USP22: variants seen among roughly 807,000 people sequenced by gnomAD.
USP22 encodes ubiquitin carboxyl-terminal hydrolase 22.
A neutral mutation model predicts 68.1 loss-of-function variants in USP22; 22 were observed. The observed-to-expected ratio is 0.32, with a 90% CI of 0.23 to 0.46. The LOEUF is 0.46. USP22 is among the 20% of genes least tolerant of loss of function. The pLI is 1.00. For synonymous variants in USP22, 279 were observed against 274.2 expected (o/e 1.02, Z -0.17); for missense variants, 433 against 695.8 (o/e 0.62, Z 4.25).
intron 1 of USP22, among the ~76,000 whole-genome samples, chr17:21,041,961 G>GGCCCCA (rs1449370203): frequency 2.0e-5 from 3 of 151,606 alleles, no homozygotes; most frequent in Admixed American, 6.6e-5. Flanking sequence ...GGCTCGCCCC[G>GGCCCCA]GCCCCAGCCC....
Position 21,042,809 on chromosome 17 carries a change from G to C in USP22, c.27C>G (p.Gly9=). 6.9e-7 allele frequency: 1 copy of C among 1,454,426 alleles called. No homozygotes were observed. Among genetic ancestry groups the C allele is most frequent in the Non-Finnish European group, 9.1e-7 (1 of 1,101,486 alleles). 90.1% of individuals were successfully genotyped at this position (1,454,426 alleles called of 1,614,324 possible). A position where few individuals can be genotyped will look rare whatever the true frequency, so the allele number is the denominator to read the frequency against. Residue 9 remains glycine, a synonymous_variant, in exon 1 of 13, where the codon GGC becomes GGG. Transcript: ENST00000261497. MVSRPEPE[G]EAMDAELAVA... is the part of the protein sequence containing the mutation. ...CCGCCAGCTCGGCGTCCATGGCCTCGCCCTCGGGCTCTGGCCGGGACACCA... is the reference window on the plus strand; with the variant it reads ...CCGCCAGCTCGGCGTCCATGGCCTCCCCCTCGGGCTCTGGCCGGGACACCA...
chr17:21,030,155 A>G (rs1419046411), intron 1 of USP22, among the ~76,000 whole-genome samples: 1 of 152,240 alleles, frequency 6.6e-6, no homozygotes, highest in Non-Finnish European at 1.5e-5. Context: ...ACCTATGCAC[A>G]TCCTCCCATA....
At chr17:21,016,867 A>C (rs1972089368) in intron 5 of USP22, among the ~76,000 whole-genome samples, 1 of 152,184 alleles carries the variant, frequency 6.6e-6, no homozygotes. Flanking sequence ...CATTCGTCGA[A>C]ACTCATCTAT....
intron 2 of USP22, 98 bp downstream of exon 2, chr17:21,028,444 A>T: frequency 6.5e-7 from 1 of 1,547,556 alleles, no homozygotes; most frequent in East Asian, 2.3e-5. Flanking sequence ...GACAAACGAC[A>T]AAGTGGACTT....
At chr17:21,020,992 G>A (rs1972150056) in intron 3 of USP22, 121 bp downstream of exon 3, 7 of 731,952 alleles carry the variant, frequency 9.6e-6, no homozygotes, top group East Asian at 8.2e-5. Context: ...AGGTGGGGAC[G>A]GCCTCTTCCC....
chr17:21,009,422 A>AT (rs1913877821), intron 8 of USP22, among the ~76,000 whole-genome samples: 1 of 151,638 alleles, frequency 6.6e-6, no homozygotes, highest in South Asian at 2.1e-4. Context: ...TCTGCTCTCC[A>AT]AAGGACTCGA....
intron 2 of USP22, among the ~76,000 whole-genome samples, chr17:21,023,918 G>A (rs1972189366): frequency 6.6e-6 from 1 of 152,130 alleles, no homozygotes. Flanking sequence ...GTGCATCCCC[G>A]GATAAACAGG....
chr17:21,023,223 A>C (rs980411234), intron 2 of USP22, among the ~76,000 whole-genome samples: 1 of 152,190 alleles, frequency 6.6e-6, no homozygotes, highest in Non-Finnish European at 1.5e-5. Flanking sequence ...AACAAACAAA[A>C]AAAATTGTCA....
chr17:21,019,939 A>G (rs1972132951), intron 3 of USP22, among the ~76,000 whole-genome samples: 1 of 152,254 alleles, frequency 6.6e-6, no homozygotes, highest in South Asian at 2.1e-4. Flanking sequence ...TCTGAGAGGG[A>G]AAAGAACAGC....
At chr17:21,015,965 C>A in intron 5 of USP22, 66 bp from the exon 6 acceptor site, 2 of 1,531,670 alleles carry the variant, frequency 1.3e-6, no homozygotes, top group Non-Finnish European at 1.8e-6. Flanking sequence ...AGAGTACACA[C>A]AATCAAAACC....
intron 5 of USP22, among the ~76,000 whole-genome samples, chr17:21,016,941 T>C (rs1467698443): frequency 1.3e-5 from 2 of 152,130 alleles, no homozygotes; most frequent in Non-Finnish European, 2.9e-5. Flanking sequence ...CTAAAAACAA[T>C]CTAACACAAG....
At position 21,042,748 on chromosome 17, in the gene USP22, T is replaced by C. The variant is rs868630593; in HGVS notation, c.88A>G (p.Lys30Glu). 2 of 1,497,504 alleles carry C rather than the reference T, an allele frequency of 1.3e-6. No individual in the cohort carries two copies. Among genetic ancestry groups the C allele is most frequent in the Non-Finnish European group, 1.8e-6 (2 of 1,124,732 alleles). The allele number at this position is 1,497,504 out of a possible 1,614,324, so 92.8% of individuals were successfully genotyped here. ...AGGTTCTGCTTCCAGTTGTCCACCT[T>C]GAAGCTGCCCAGGTGCGAGCAGCCC... ...PPGCSHLGSF[K>E]VDNWKQNLRA... The change falls in exon 1 of 13, where the codon AAG (lysine) becomes GAG (glutamate). Residue 30 changes from lysine (K) to glutamate (E), a missense_variant. Transcript: ENST00000261497.
chr17:20,999,943 C>T lies in USP22; in HGVS notation c.*3088G>A, dbSNP rs1424880821. 3 of 152,358 alleles carry T rather than the reference C, an allele frequency of 2.0e-5. No homozygotes were observed. The highest frequency in any genetic ancestry group is 2.0e-4 in the Admixed American group (3 of 15,272). The allele number at this position is 152,358 out of a possible 1,614,324, so 9.4% of individuals were successfully genotyped here. ...GCAGTGCTCACCACGAAGCCCAGGT[C>T]CACGGAGGGAGCCAAGGTCCACAGA... On this transcript the variant is annotated 3_prime_UTR_variant, in exon 13 of 13. Transcript: ENST00000261497.
intron 2 of USP22, among the ~76,000 whole-genome samples, chr17:21,023,143 CAA>C (rs1305766108): frequency 3.3e-5 from 5 of 152,040 alleles, no homozygotes; most frequent in African/African-American, 1.2e-4. Flanking sequence ...CACATGGACA[CAA>C]GAGGAGAACA....
At chr17:21,032,646 A>G (rs533195240) in intron 1 of USP22, among the ~76,000 whole-genome samples, 1 of 152,298 alleles carries the variant, frequency 6.6e-6, no homozygotes, top group East Asian at 1.9e-4. Context: ...AGCACTGTAA[A>G]GTAGAAAACA....
intron 1 of USP22, among the ~76,000 whole-genome samples, chr17:21,039,333 T>C (rs968218218): frequency 4.0e-5 from 6 of 151,546 alleles, no homozygotes; most frequent in Non-Finnish European, 8.8e-5. Context: ...ATCCCAGCAC[T>C]TTGGGAGGCC....
intron 2 of USP22, 148 bp from the exon 3 acceptor site, chr17:21,021,374 G>A (rs1181134616): frequency 1.6e-6 from 1 of 630,114 alleles, no homozygotes; most frequent in African/African-American, 1.8e-5. Flanking sequence ...CAGTCCAGCG[G>A]AGTCTCCTAT....
Position 21,007,963 on chromosome 17 carries a change from G to A in USP22, c.1137C>T (p.Ala379=). 2 of 1,614,146 alleles carry A rather than the reference G, an allele frequency of 1.2e-6. No individual in the cohort carries two copies. Among genetic ancestry groups the A allele is most frequent in the Non-Finnish European group, 1.7e-6 (2 of 1,180,030 alleles). ...TATGGCAACCGCTGCACTTGATCTT[G>A]GCGCTGCTGCCCAAGTGCTCTGGTC... ...FTRPEHLGSS[A]KIKCSGCHSY... Residue 379 remains alanine (A), a synonymous_variant, in exon 9 of 13, where the codon GCC becomes GCT. Transcript: ENST00000261497.
At chr17:21,005,602 C>T (rs1913753067) in intron 10 of USP22, among the ~76,000 whole-genome samples, 1 of 152,146 alleles carries the variant, frequency 6.6e-6, no homozygotes, top group African/African-American at 2.4e-5. Context: ...CGTGGTCAGA[C>T]TGATGATATG....
Sources: gnomAD v4.1 joint callset for allele counts (sites outside exome capture counted in the v4.1 genomes callset) on GRCh38, gnomAD v4.1.1 for gene constraint, MANE v1.5 for transcripts, NCBI Gene and HGNC (gene_info 2026-07-23, HGNC 2026-07-21) for gene names.